Variants in SGCZ observed in about 807,000 individuals in gnomAD.
SGCZ encodes sarcoglycan zeta.
Under a neutral mutation model 41.3 loss-of-function variants are expected in SGCZ, and 40 were observed. That is an observed-to-expected ratio of 0.97 (90% CI 0.75 to 1.26). The LOEUF (loss-of-function observed/expected upper bound fraction) is 1.26. Among genes scored for constraint, SGCZ ranks in the 50% most tolerant of loss-of-function variants. The probability of loss-of-function intolerance (pLI) is 0.00; values close to 1 mark genes in which losing one functional copy is unlikely to be tolerated. For synonymous variants in SGCZ, 206 were observed against 137.5 expected, an observed-to-expected ratio of 1.50 and a Z score of -3.49; for missense variants, 552 against 369.8, an observed-to-expected ratio of 1.49 and a Z score of -4.04.
chr8:14,976,135 G>A (rs967531661), intron 1 of SGCZ, among the ~76,000 whole-genome samples: 2 of 150,820 alleles, frequency 1.3e-5, no homozygotes, highest in Admixed American at 6.6e-5. Context: ...CGATTCTCTC[G>A]CCCCAGCCTC....
chr8:14,966,253 T>C (rs1470041863), intron 1 of SGCZ, among the ~76,000 whole-genome samples: 2 of 151,746 alleles, frequency 1.3e-5, no homozygotes, highest in Non-Finnish European at 2.9e-5. Flanking sequence ...ATTGATGTCA[T>C]CAGAGATGAG....
At chr8:15,150,421 C>T (rs888372950) in intron 1 of SGCZ, among the ~76,000 whole-genome samples, 2 of 152,170 alleles carry the variant, frequency 1.3e-5, no homozygotes, top group Non-Finnish European at 2.9e-5. Context: ...TCCTTCGATG[C>T]CCTGGGGCCA....
At chr8:14,375,115 C>T (rs749061861) in intron 2 of SGCZ, among the ~76,000 whole-genome samples, 33 of 100,714 alleles carry the variant, frequency 3.3e-4, no homozygotes, top group Non-Finnish European at 7.3e-4. Flanking sequence ...GATAGATAGA[C>T]AGACAGACAG....
intron 3 of SGCZ, among the ~76,000 whole-genome samples, chr8:14,313,348 C>T (rs191187778): frequency 3.3e-5 from 5 of 152,260 alleles, no homozygotes; most frequent in East Asian, 1.9e-4. Flanking sequence ...GACACAGACT[C>T]GCTCTCCCAG....
intron 1 of SGCZ, among the ~76,000 whole-genome samples, chr8:14,571,773 C>T (rs1029256204): frequency 6.6e-6 from 1 of 152,066 alleles, no homozygotes; most frequent in Non-Finnish European, 1.5e-5. Context: ...AATCGAGAAA[C>T]AGCACGAATA....
In SGCZ at chr8:15,237,629, G is replaced by A. The variant is rs1163992326; in HGVS notation, c.-6C>T. ...AGGTTCGTTGATCTGTCCATGGAGC[G>A]CAACTAAACGAAGTGGAGAGGAACC... On this transcript the variant is annotated 5_prime_UTR_variant, in exon 1 of 8. Coordinates refer to ENST00000382080, the MANE Select transcript of SGCZ (RefSeq NM_139167.4). 5.1e-6 allele frequency: 8 copies of A among 1,581,946 alleles called. No homozygotes were observed. The highest frequency in any genetic ancestry group is 1.3e-5 in the African/African-American group (1 of 74,342).
rs190578823 is a variant in SGCZ, at chr8:14,792,661, C to T, written c.40-237735G>A. ...ATACATATGCCATGTTGGTGTGCTG[C>T]ACCCATTAACTCATCGTTTAGCATT... On this transcript the variant is annotated intron_variant, in intron 1 of 7. Coordinates refer to ENST00000382080, the MANE Select transcript of SGCZ (RefSeq NM_139167.4). Among the ~76,000 whole-genome samples the T allele has an allele frequency of 2.8e-3, 431 of 152,080 alleles. 2 individuals carry two copies. The highest frequency in any genetic ancestry group is 9.9e-3 in the African/African-American group (409 of 41,490).
chr8:14,526,061 G>C (rs10106807), intron 2 of SGCZ, among the ~76,000 whole-genome samples: 19,560 of 151,912 alleles, frequency 0.13, 2,781 homozygotes, highest in African/African-American at 0.35. Context: ...ATTCGAAAAA[G>C]TATTTTGATA....
At chr8:14,659,093 C>A (rs1807667205) in intron 1 of SGCZ, among the ~76,000 whole-genome samples, 2 of 151,956 alleles carry the variant, frequency 1.3e-5, no homozygotes, top group South Asian at 4.1e-4. Flanking sequence ...CACAGAGTTA[C>A]TTTTCTGTTA....
intron 4 of SGCZ, among the ~76,000 whole-genome samples, chr8:14,181,355 T>C (rs1327383608): frequency 1.3e-5 from 2 of 152,198 alleles, no homozygotes; most frequent in African/African-American, 2.4e-5. Flanking sequence ...CTTAAAATAC[T>C]CTGCTTTTCT....
At chr8:14,526,187 C>T (rs891463897) in intron 2 of SGCZ, among the ~76,000 whole-genome samples, 6 of 152,028 alleles carry the variant, frequency 3.9e-5, no homozygotes, top group Non-Finnish European at 8.8e-5. Context: ...ATTTCTCATG[C>T]CTGAAGCCAA....
At chr8:14,535,023 A>AT (rs1411006323) in intron 2 of SGCZ, among the ~76,000 whole-genome samples, 2 of 151,924 alleles carry the variant, frequency 1.3e-5, no homozygotes, top group Admixed American at 6.6e-5. Context: ...ATATTCTGTG[A>AT]TTTTTTATTA....
chr8:14,551,481 T>TA (rs1491472358), intron 2 of SGCZ, among the ~76,000 whole-genome samples: 170 of 4,978 alleles, frequency 0.034, 10 homozygotes, highest in Admixed American at 0.04. Flanking sequence ...TATTATATAT[T>TA]ATATATATTA....
At chr8:14,744,626 G>A (rs904039270) in intron 1 of SGCZ, among the ~76,000 whole-genome samples, 2 of 152,158 alleles carry the variant, frequency 1.3e-5, no homozygotes, top group Non-Finnish European at 1.5e-5. Flanking sequence ...GTATACAATG[G>A]ACAAGAAAAA....
chr8:14,113,637 G>T (rs1040314709), intron 5 of SGCZ, among the ~76,000 whole-genome samples: 1 of 151,926 alleles, frequency 6.6e-6, no homozygotes, highest in African/African-American at 2.4e-5. Context: ...GTCCTTTCTT[G>T]TTCAACATCC....
At chr8:14,698,324 T>C (rs940874835) in intron 1 of SGCZ, among the ~76,000 whole-genome samples, 2 of 151,928 alleles carry the variant, frequency 1.3e-5, no homozygotes, top group Non-Finnish European at 2.9e-5. Context: ...TAAATATATA[T>C]TTCAGATTGC....
chr8:14,992,875 T>C (rs1434284748), intron 1 of SGCZ, among the ~76,000 whole-genome samples: 1 of 144,776 alleles, frequency 6.9e-6, no homozygotes, highest in Non-Finnish European at 1.5e-5. Context: ...CCTCAATATT[T>C]ACCTCTCGCC....
chr8:14,738,453 A>T (rs1799111093), intron 1 of SGCZ, among the ~76,000 whole-genome samples: 1 of 152,132 alleles, frequency 6.6e-6, no homozygotes, highest in Non-Finnish European at 1.5e-5. Context: ...GATTAAAAAA[A>T]GTTTTTAATT....
chr8:14,913,508 A>C (rs1467563410), intron 1 of SGCZ, among the ~76,000 whole-genome samples: 3 of 152,060 alleles, frequency 2.0e-5, no homozygotes. Flanking sequence ...TTCATAATAA[A>C]CTTTTATTAT....
Sources: gnomAD v4.1 joint callset for allele counts (sites outside exome capture counted in the v4.1 genomes callset) on GRCh38, gnomAD v4.1.1 for gene constraint, MANE v1.5 for transcripts, NCBI Gene and HGNC (gene_info 2026-07-23, HGNC 2026-07-21) for gene names.